The following MYLK variants were observed in gnomAD, a reference collection of about 807,000 sequenced individuals.
MYLK encodes myosin light chain kinase, smooth muscle.
Under a neutral mutation model 203.4 loss-of-function variants are expected in MYLK, and 106 were observed. That is an observed-to-expected ratio of 0.52 (90% CI 0.45 to 0.61). The LOEUF is 0.61. MYLK is among the 20% of genes least tolerant of loss of function. The probability of loss-of-function intolerance (pLI) is 0.00; values close to 1 mark genes in which losing one functional copy is unlikely to be tolerated. For missense variants in MYLK, 2,072 were observed against 2,442.3 expected (o/e 0.85, Z 3.20); for synonymous variants, 867 against 959.5 (o/e 0.90, Z 1.78).
chr3:123,664,156 C>G lies in MYLK; in HGVS notation c.3934G>C (p.Val1312Leu). 6.2e-7 allele frequency: 1 copy of G among 1,614,132 alleles called. No homozygotes were observed. Residue 1312 changes from valine to leucine, a missense_variant, in exon 23 of 34, where the codon GTG (valine) becomes CTG (leucine). Physicochemically the swap from Val to Leu is conservative, Grantham distance 32. Transcript: ENST00000360304. Reference sequence around the variant, plus strand: ...TGCCTGCTGCCCAGCTTGTTCTCCACCAGCAGTGTGTAGCAGCCGCAGTGC... The same window carrying G: ...TGCCTGCTGCCCAGCTTGTTCTCCAGCAGCAGTGTGTAGCAGCCGCAGTGC... ...QEHCGCYTLL[V>L]ENKLGSRQAQ...
chr3:123,620,513 C>A, intron 31 of MYLK, 177 bp from the exon 32 acceptor site: 1 of 1,484,560 alleles, frequency 6.7e-7, no homozygotes, highest in South Asian at 1.3e-5. Flanking sequence ...CTGCTCAGCA[C>A]TGTCAGTGTG....
chr3:123,722,112 G>GC lies in MYLK; in HGVS notation c.1804+15dup. ...GCAGGAAAGGTGCTTCTACCCAGGT[G>GC]CCCAGAGGCTCCTACCATGGACGGT... On this transcript the variant is annotated intron_variant, in intron 13 of 33. Coordinates refer to ENST00000360304, the MANE Select transcript of MYLK (RefSeq NM_053025.4). The GC allele has an allele frequency of 6.4e-7, 1 of 1,560,294 alleles. No homozygotes were observed. Among genetic ancestry groups the GC allele is most frequent in the Non-Finnish European group, 8.7e-7 (1 of 1,151,986 alleles).
intron 11 of MYLK, among the ~76,000 whole-genome samples, chr3:123,729,204 G>A (rs961902997): frequency 1.3e-5 from 2 of 152,114 alleles, no homozygotes; most frequent in African/African-American, 4.8e-5. Flanking sequence ...ACTGCTGGCC[G>A]GAGCACTGAA....
chr3:123,857,103 T>A (rs1022036344), intron 2 of MYLK, among the ~76,000 whole-genome samples: 1 of 151,946 alleles, frequency 6.6e-6, no homozygotes, highest in African/African-American at 2.4e-5. Flanking sequence ...TGAGATACCA[T>A]CTCACACCAG....
chr3:123,692,597 T>A (rs1293746179), intron 19 of MYLK, 138 bp downstream of exon 19: 2 of 864,454 alleles, frequency 2.3e-6, no homozygotes, highest in Non-Finnish European at 3.9e-6. Context: ...TATTCATTCA[T>A]CCAAAATGAA....
At chr3:123,805,066 C>T (rs1164312505) in intron 3 of MYLK, among the ~76,000 whole-genome samples, 1 of 152,154 alleles carries the variant, frequency 6.6e-6, no homozygotes, top group African/African-American at 2.4e-5. Context: ...TGCTGGACCC[C>T]TGGGGCCAAA....
chr3:123,831,718 C>T (rs751830892), intron 2 of MYLK, 48 bp from the exon 3 acceptor site: 6 of 248,798 alleles, frequency 2.4e-5, no homozygotes, highest in South Asian at 4.7e-5. Context: ...GAGACAGACA[C>T]GCAAAAGGGA....
chr3:123,862,056 G>A (rs1171929425), intron 2 of MYLK, among the ~76,000 whole-genome samples: 2 of 152,220 alleles, frequency 1.3e-5, no homozygotes, highest in Non-Finnish European at 2.9e-5. Flanking sequence ...TGGAATCCGA[G>A]CCAGCAGTCA....
rs1158049609 is a variant in MYLK, at chr3:123,641,750, GTCCCTCTCTTCCCTCCC to G, written c.4620-1263_4620-1247del. Among the ~76,000 whole-genome samples the G allele has an allele frequency of 4.2e-4, 60 of 141,642 alleles. No individual in the cohort carries two copies. In the Middle Eastern group the frequency reaches 0.015, roughly 35 times the overall value. 92.9% of individuals were successfully genotyped at this position (141,642 alleles called of 152,430 possible). A position where few individuals can be genotyped will look rare whatever the true frequency, so the allele number is the denominator to read the frequency against. On this transcript the variant is annotated intron_variant, in intron 27 of 33. Transcript: ENST00000360304. ...CTGTCCTGCCTGCCTTCCTCCCTCCGTCCCTCTCTTCCCTCCCTCCCTCTCTTCCCTCCCTCCCTTCC... is the reference window on the plus strand; with the variant it reads ...CTGTCCTGCCTGCCTTCCTCCCTCCGTCCCTCTCTTCCCTCCCTCCCTTCC...
chr3:123,811,903 CTATT>C (rs1011689933), intron 3 of MYLK, among the ~76,000 whole-genome samples: 14 of 152,162 alleles, frequency 9.2e-5, no homozygotes, highest in African/African-American at 3.4e-4. Flanking sequence ...AAAAACATAT[CTATT>C]AAATTAACAA....
intron 12 of MYLK, among the ~76,000 whole-genome samples, chr3:123,723,785 GA>G (rs2062177019): frequency 6.6e-6 from 1 of 152,242 alleles, no homozygotes; most frequent in African/African-American, 2.4e-5. Flanking sequence ...GAGTCGCTGA[GA>G]AAACACCGTC....
intron 32 of MYLK, among the ~76,000 whole-genome samples, chr3:123,619,267 C>A (rs1427186281): frequency 6.6e-6 from 1 of 152,138 alleles, no homozygotes; most frequent in East Asian, 1.9e-4. Context: ...TGACTGTGGA[C>A]CAGGATGTGG....
chr3:123,669,641 TG>T (rs2059846392), intron 20 of MYLK, among the ~76,000 whole-genome samples: 1 of 152,146 alleles, frequency 6.6e-6, no homozygotes, highest in East Asian at 1.9e-4. Flanking sequence ...AAACTGTTCA[TG>T]GTATATACAT....
chr3:123,777,104 A>T (rs2064107368), intron 4 of MYLK, among the ~76,000 whole-genome samples: 1 of 152,244 alleles, frequency 6.6e-6, no homozygotes, highest in Non-Finnish European at 1.5e-5. Context: ...TCTCAAAGTA[A>T]GCCATTTAGA....
intron 2 of MYLK, among the ~76,000 whole-genome samples, chr3:123,860,791 C>T (rs972042730): frequency 6.6e-6 from 1 of 152,044 alleles, no homozygotes; most frequent in South Asian, 2.1e-4. Context: ...TTTAGCTGAG[C>T]CAGTGTCAGA....
At chr3:123,845,519 C>T (rs2029875230) in intron 2 of MYLK, among the ~76,000 whole-genome samples, 1 of 152,156 alleles carries the variant, frequency 6.6e-6, no homozygotes, top group African/African-American at 2.4e-5. Flanking sequence ...GAGACAAGGT[C>T]TCACTCTGTT....
At position 123,692,450 on chromosome 3, in the gene MYLK, T is replaced by C; in HGVS notation, c.3565+285A>G. ...CTTTTCTACTGCCCAGTGCCCCAGC[T>C]TCCCAGCTCAGAAGGTTCTGGGTGT... On this transcript the variant is annotated intron_variant, in intron 19 of 33. Coordinates refer to ENST00000360304, the MANE Select transcript of MYLK (RefSeq NM_053025.4). 4 of 1,215,990 alleles carry C rather than the reference T, an allele frequency of 3.3e-6. No individual in the cohort carries two copies. In the South Asian group the frequency reaches 6.3e-5, roughly 19 times the overall value. 75.3% of individuals were successfully genotyped at this position (1,215,990 alleles called of 1,614,324 possible).
At chr3:123,634,992 C>T (rs1330804427) in intron 29 of MYLK, among the ~76,000 whole-genome samples, 1 of 152,234 alleles carries the variant, frequency 6.6e-6, no homozygotes, top group Admixed American at 6.5e-5. Context: ...CCCCATTCTG[C>T]TCCTTCCCTA....
chr3:123,803,144 C>T (rs928953251), intron 3 of MYLK, among the ~76,000 whole-genome samples: 3 of 152,144 alleles, frequency 2.0e-5, no homozygotes, highest in African/African-American at 7.2e-5. Context: ...TTGACAATCT[C>T]TCAAAATCTT....
Sources: allele counts gnomAD v4.1 joint callset (sites outside exome capture counted in the v4.1 genomes callset), GRCh38; gene constraint gnomAD v4.1.1; transcripts MANE v1.5; gene names NCBI Gene and HGNC (gene_info 2026-07-23, HGNC 2026-07-21).